KCNN2: variants seen among roughly 807,000 people sequenced by gnomAD.
KCNN2 encodes the protein small conductance calcium-activated potassium channel protein 2.
A neutral mutation model predicts 55.5 loss-of-function variants in KCNN2; 24 were observed. The ratio of observed to expected loss-of-function variants is 0.43; its 90% CI spans 0.31 to 0.61. KCNN2 has a LOEUF of 0.61. Among genes scored for constraint, KCNN2 ranks in the 20% least tolerant of loss-of-function variants. The pLI, the probability that KCNN2 is intolerant of heterozygous loss-of-function variation, is 0.08. For synonymous variants in KCNN2, 431 were observed against 336.1 expected (o/e 1.28, Z -3.09); for missense variants, 754 against 853.6 (o/e 0.88, Z 1.45).
intron 2 of KCNN2, among the ~76,000 whole-genome samples, chr5:114,292,675 G>A (rs1409321106): frequency 1.3e-5 from 2 of 152,064 alleles, no homozygotes; most frequent in African/African-American, 4.8e-5. Context: ...GGTGACGCGG[G>A]CTCTTTTTTG....
At chr5:114,314,908 A>C (rs1756469807) in intron 2 of KCNN2, among the ~76,000 whole-genome samples, 1 of 152,174 alleles carries the variant, frequency 6.6e-6, no homozygotes, top group African/African-American at 2.4e-5. Context: ...TTAAATCCAC[A>C]AATGCCAAAA....
chr5:114,107,736 A>G (rs1199643646), intron 1 of KCNN2, among the ~76,000 whole-genome samples: 2 of 152,026 alleles, frequency 1.3e-5, no homozygotes. Context: ...TTTCCACCAT[A>G]AATAAAACAG....
At chr5:114,447,219 G>A (rs1213773703) in intron 3 of KCNN2, among the ~76,000 whole-genome samples, 1 of 152,168 alleles carries the variant, frequency 6.6e-6, no homozygotes, top group Non-Finnish European at 1.5e-5. Flanking sequence ...CTACCAAGCT[G>A]GGCACATAGT....
At chr5:114,488,915 C>T (rs1226161871) in intron 6 of KCNN2, 1 of 152,026 alleles carries the variant, frequency 6.6e-6, no homozygotes, top group Non-Finnish European at 1.5e-5. Flanking sequence ...TATGTATGTC[C>T]AGGGTGGAAG....
At chr5:114,486,977 C>T (rs1747582719) in intron 5 of KCNN2, 73 bp from the exon 6 acceptor site, 1 of 1,544,900 alleles carries the variant, frequency 6.5e-7, no homozygotes, top group African/African-American at 1.4e-5. Flanking sequence ...GGGATGAAGA[C>T]TATGACCCCC....
chr5:114,481,465 C>T (rs1201656595), intron 5 of KCNN2, among the ~76,000 whole-genome samples: 1 of 152,094 alleles, frequency 6.6e-6, no homozygotes, highest in African/African-American at 2.4e-5. Flanking sequence ...AGCCATACTG[C>T]CCAAAGTAAT....
chr5:114,411,219 A>G lies in KCNN2; in HGVS notation c.1637+6363A>G, dbSNP rs565852625. On this transcript the variant is annotated intron_variant, in intron 3 of 7. Transcript: ENST00000673685. Reference sequence around the variant, plus strand: ...TCACTCTATTTTTTGTCACCCTGTCACTAATACTCTTCTATGTTGTATTAT... The same window carrying G: ...TCACTCTATTTTTTGTCACCCTGTCGCTAATACTCTTCTATGTTGTATTAT... Among the ~76,000 whole-genome samples the G allele has an allele frequency of 9.2e-5, 14 of 152,276 alleles. No individual in the cohort carries two copies. The East Asian group carries it at 2.5e-3, about 27-fold the overall frequency.
chr5:114,288,181 A>C (rs1051606785), intron 2 of KCNN2, among the ~76,000 whole-genome samples: 21 of 152,178 alleles, frequency 1.4e-4, no homozygotes, highest in African/African-American at 4.6e-4. Context: ...TCAGTACTTC[A>C]TTCCTTTTTA....
chr5:114,056,707 G>T (rs1750216714), intron 1 of KCNN2, among the ~76,000 whole-genome samples: 1 of 152,140 alleles, frequency 6.6e-6, no homozygotes, highest in South Asian at 2.1e-4. Flanking sequence ...GCATTTGAGA[G>T]TTCTGCACTA....
chr5:114,356,945 A>G (rs1757304123), intron 2 of KCNN2, among the ~76,000 whole-genome samples: 1 of 152,098 alleles, frequency 6.6e-6, no homozygotes, highest in South Asian at 2.1e-4. Flanking sequence ...ATTTATTGCT[A>G]AGGACAGTAA....
At chr5:114,138,895 G>A (rs1015142734) in intron 1 of KCNN2, among the ~76,000 whole-genome samples, 4 of 152,140 alleles carry the variant, frequency 2.6e-5, no homozygotes, top group African/African-American at 9.7e-5. Context: ...ACTGTAATGT[G>A]TTGGAAGTGT....
intron 1 of KCNN2, among the ~76,000 whole-genome samples, chr5:114,182,709 A>T (rs1348161507): frequency 1.3e-5 from 2 of 152,096 alleles, no homozygotes; most frequent in African/African-American, 4.8e-5. Flanking sequence ...ACTTATTTTT[A>T]TATATTAGCC....
intron 1 of KCNN2, among the ~76,000 whole-genome samples, chr5:114,120,627 G>A (rs1260913188): frequency 1.3e-5 from 2 of 152,160 alleles, no homozygotes; most frequent in South Asian, 2.1e-4. Context: ...AAAGGGGGAG[G>A]CCAATTTATA....
chr5:114,078,057 T>C (rs978789865), intron 1 of KCNN2, among the ~76,000 whole-genome samples: 6 of 152,218 alleles, frequency 3.9e-5, no homozygotes, highest in African/African-American at 1.4e-4. Context: ...AGTACAGTTA[T>C]GTTGCAGATC....
intron 2 of KCNN2, among the ~76,000 whole-genome samples, chr5:114,284,326 A>G (rs775535104): frequency 2.0e-5 from 3 of 152,296 alleles, no homozygotes; most frequent in Middle Eastern, 3.4e-3. Context: ...GTGTATGAAT[A>G]TGCATGTTTG....
At chr5:114,483,883 A>G (rs569234357) in intron 5 of KCNN2, among the ~76,000 whole-genome samples, 6 of 152,130 alleles carry the variant, frequency 3.9e-5, no homozygotes, top group Admixed American at 3.9e-4. Context: ...TTTGATGGAC[A>G]TCGGTAAATC....
At chr5:114,487,220 GC>G in intron 6 of KCNN2, 43 bp downstream of exon 6, 1 of 1,580,698 alleles carries the variant, frequency 6.3e-7, no homozygotes, top group Non-Finnish European at 8.6e-7. Flanking sequence ...TGTGTCCTTG[GC>G]TTTCAATTTT....
intron 1 of KCNN2, among the ~76,000 whole-genome samples, chr5:114,195,949 A>AT (rs1753547940): frequency 6.6e-6 from 1 of 151,932 alleles, no homozygotes; most frequent in African/African-American, 2.4e-5. Flanking sequence ...TCTGTTGTCA[A>AT]TTTTGAATTA....
chr5:114,435,918 T>A (rs904934090), intron 3 of KCNN2, among the ~76,000 whole-genome samples: 1 of 152,230 alleles, frequency 6.6e-6, no homozygotes, highest in Non-Finnish European at 1.5e-5. Flanking sequence ...GGACTTTTAC[T>A]TTTGGTCATT....
Sources: gnomAD v4.1 joint callset for allele counts (sites outside exome capture counted in the v4.1 genomes callset) on GRCh38, gnomAD v4.1.1 for gene constraint, MANE v1.5 for transcripts, NCBI Gene and HGNC (gene_info 2026-07-23, HGNC 2026-07-21) for gene names.